The following AKT3 variants were observed in gnomAD, a reference collection of about 807,000 sequenced individuals.
AKT3 encodes the protein RAC-gamma serine/threonine-protein kinase.
In AKT3, 15 loss-of-function variants were observed where a neutral mutation model predicts 65.3. The observed-to-expected ratio is 0.23, with a 90% CI of 0.15 to 0.35. The LOEUF is 0.35. Among genes scored for constraint, AKT3 ranks in the 10% least tolerant of loss-of-function variants. AKT3 has a pLI of 1.00. For missense variants in AKT3, 243 were observed against 576.5 expected, an observed-to-expected ratio of 0.42 and a Z score of 5.92; for synonymous variants, 206 against 183.8, an observed-to-expected ratio of 1.12 and a Z score of -0.98.
chr1:243,702,639 C>T (rs1046798169), intron 2 of AKT3, among the ~76,000 whole-genome samples: 18 of 152,110 alleles, frequency 1.2e-4, no homozygotes, highest in Non-Finnish European at 2.2e-4. Flanking sequence ...ATCAGTACTG[C>T]ACTTATTCAG....
At chr1:243,558,162 G>A (rs962299921) in intron 10 of AKT3, among the ~76,000 whole-genome samples, 8 of 152,094 alleles carry the variant, frequency 5.3e-5, no homozygotes, top group Non-Finnish European at 8.8e-5. Flanking sequence ...AGAAAATTCT[G>A]TTTAATACAT....
intron 2 of AKT3, among the ~76,000 whole-genome samples, chr1:243,792,710 C>T (rs1051645918): frequency 2.0e-5 from 3 of 152,186 alleles, no homozygotes; most frequent in African/African-American, 7.2e-5. Flanking sequence ...ATGTGTACAA[C>T]ACCAAGAGAT....
At chr1:243,746,398 C>T (rs1688474873) in intron 2 of AKT3, among the ~76,000 whole-genome samples, 1 of 152,008 alleles carries the variant, frequency 6.6e-6, no homozygotes, top group African/African-American at 2.4e-5. Flanking sequence ...GTTTTTTCCC[C>T]TAAATAATAC....
intron 2 of AKT3, among the ~76,000 whole-genome samples, chr1:243,781,209 G>A (rs74828588): frequency 0.026 from 3,961 of 151,940 alleles, 70 homozygotes; most frequent in Non-Finnish European, 0.04. Context: ...AAAGTTAACC[G>A]TAGACATTCT....
chr1:243,788,923 T>C (rs149137124), intron 2 of AKT3: 2 of 153,594 alleles, frequency 1.3e-5, no homozygotes, highest in African/African-American at 4.8e-5. Flanking sequence ...AGTAAAACTT[T>C]CTTCAAAATT....
intron 3 of AKT3, among the ~76,000 whole-genome samples, chr1:243,668,558 G>T (rs932350776): frequency 2.0e-5 from 3 of 152,052 alleles, no homozygotes; most frequent in Non-Finnish European, 2.9e-5. Context: ...GTACAAATAG[G>T]CTAAGGAGAC....
Position 243,645,878 on chromosome 1 carries a change from G to A in AKT3, c.429+15C>T. On this transcript the variant is annotated intron_variant, in intron 5 of 13. Coordinates refer to ENST00000673466, the MANE Select transcript of AKT3 (RefSeq NM_005465.7). ...CAAATGAATGCTGTGCTGGGAATAAGTTATTATTTTCTACCTTTCTTTTAT... is the reference window on the plus strand; with the variant it reads ...CAAATGAATGCTGTGCTGGGAATAAATTATTATTTTCTACCTTTCTTTTAT... The A allele has an allele frequency of 5.0e-6, 8 of 1,595,320 alleles. No individual in the cohort carries two copies. Among genetic ancestry groups the A allele is most frequent in the Non-Finnish European group, 6.8e-6 (8 of 1,170,826 alleles).
intron 8 of AKT3, among the ~76,000 whole-genome samples, chr1:243,606,804 A>AG (rs1677462987): frequency 6.6e-6 from 1 of 152,228 alleles, no homozygotes; most frequent in African/African-American, 2.4e-5. Flanking sequence ...TTTGTGGGCC[A>AG]GGGCCAGGGC....
intron 9 of AKT3, among the ~76,000 whole-genome samples, chr1:243,569,345 A>G (rs1402310940): frequency 2.0e-5 from 3 of 152,266 alleles, no homozygotes; most frequent in African/African-American, 7.2e-5. Flanking sequence ...AATAAGGTAC[A>G]TAGTCCAATA....
intron 2 of AKT3, among the ~76,000 whole-genome samples, chr1:243,703,289 T>C (rs1685582984): frequency 1.3e-5 from 2 of 152,204 alleles, no homozygotes; most frequent in Admixed American, 6.5e-5. Flanking sequence ...TTATAGTTGC[T>C]GAAGAAATGC....
intron 8 of AKT3, among the ~76,000 whole-genome samples, chr1:243,599,391 G>C (rs901379518): frequency 6.6e-5 from 10 of 152,032 alleles, no homozygotes; most frequent in African/African-American, 2.4e-4. Context: ...TATTGTAAAG[G>C]TTAAAAAATA....
chr1:243,526,656 C>T (rs1671104105), intron 12 of AKT3, among the ~76,000 whole-genome samples: 2 of 151,746 alleles, frequency 1.3e-5, no homozygotes, highest in South Asian at 4.2e-4. Flanking sequence ...AATATGTACT[C>T]ACTAAACTAT....
chr1:243,782,381 AC>A (rs1180184537), intron 2 of AKT3, among the ~76,000 whole-genome samples: 2 of 152,174 alleles, frequency 1.3e-5, no homozygotes, highest in Non-Finnish European at 2.9e-5. Context: ...AGTACAAGGC[AC>A]CAGCAAATTC....
intron 6 of AKT3, among the ~76,000 whole-genome samples, chr1:243,628,979 G>A (rs1679390335): frequency 6.6e-6 from 1 of 152,190 alleles, no homozygotes; most frequent in African/African-American, 2.4e-5. Flanking sequence ...TGAAAAACTA[G>A]ACTATTAAAT....
chr1:243,786,955 C>A (rs1691304564), intron 2 of AKT3, among the ~76,000 whole-genome samples: 1 of 152,106 alleles, frequency 6.6e-6, no homozygotes, highest in African/African-American at 2.4e-5. Flanking sequence ...TAAGAACTGA[C>A]CTGAGAACAC....
chr1:243,784,991 C>G (rs192643526), intron 2 of AKT3, among the ~76,000 whole-genome samples: 2 of 151,782 alleles, frequency 1.3e-5, no homozygotes, highest in Non-Finnish European at 2.9e-5. Flanking sequence ...TTTCAACTCC[C>G]GGCTTAAGTG....
chr1:243,587,913 A>C (rs1192492724), intron 8 of AKT3, among the ~76,000 whole-genome samples: 2 of 152,266 alleles, frequency 1.3e-5, no homozygotes, highest in East Asian at 1.9e-4. Flanking sequence ...GGCATATCTA[A>C]AACAGAAGAT....
rs569950017 is a variant in AKT3 at position 243,655,168 on chromosome 1, A to T, written c.285-9131T>A. On this transcript the variant is annotated intron_variant, in intron 4 of 13. Coordinates refer to ENST00000673466, the MANE Select transcript of AKT3 (RefSeq NM_005465.7). ...GTTTCACTATAAACGTTCTGTTCTGACGTATTTTTGAGTTCGCTAATTTTC... is the reference window on the plus strand; with the variant it reads ...GTTTCACTATAAACGTTCTGTTCTGTCGTATTTTTGAGTTCGCTAATTTTC... Among the ~76,000 whole-genome samples, 13 of 151,980 alleles carry T rather than the reference A, an allele frequency of 8.6e-5. No individual in the cohort carries two copies. In the South Asian group the frequency reaches 2.7e-3, roughly 32 times the overall value.
At chr1:243,795,906 C>A (rs1420262201) in intron 2 of AKT3, among the ~76,000 whole-genome samples, 1 of 152,162 alleles carries the variant, frequency 6.6e-6, no homozygotes, top group Non-Finnish European at 1.5e-5. Context: ...CTCACCCATC[C>A]ACAAGGGCAC....
Sources: gnomAD v4.1 joint callset for allele counts (sites outside exome capture counted in the v4.1 genomes callset) on GRCh38, gnomAD v4.1.1 for gene constraint, MANE v1.5 for transcripts, NCBI Gene and HGNC (gene_info 2026-07-23, HGNC 2026-07-21) for gene names.